Variants in PPFIA3 observed in about 807,000 individuals in gnomAD.
The protein encoded by PPFIA3 is PPFI scaffold protein A3, also known as liprin-alpha-3.
PPFIA3 carries 26 observed loss-of-function variants against 145.8 expected under a neutral mutation model. The ratio of observed to expected loss-of-function variants is 0.18; its 90% CI spans 0.13 to 0.25. PPFIA3 has a LOEUF of 0.25. Ranked by LOEUF, PPFIA3 falls within the 10% of genes least tolerant of loss-of-function variation. The pLI, the probability that PPFIA3 is intolerant of heterozygous loss-of-function variation, is 1.00. For missense variants in PPFIA3, 1,008 were observed against 1,587.8 expected, an observed-to-expected ratio of 0.63 and a Z score of 6.21; for synonymous variants, 645 against 661.4, an observed-to-expected ratio of 0.98 and a Z score of 0.38.
Position 49,132,694 on chromosome 19 carries a change from C to T in PPFIA3, c.880-307C>T, listed in dbSNP as rs138098195. ...TCTATGCCAGAAATTAGTGAGAAAT[C>T]CAAGGCCTGGGTTTTGAGGAGAGGG... On this transcript the variant is annotated intron_variant, in intron 7 of 29. Transcript: ENST00000334186. Among the ~76,000 whole-genome samples, 746 of 152,230 alleles carry T rather than the reference C, an allele frequency of 4.9e-3. 5 individuals are homozygous for T. Among genetic ancestry groups the T allele is most frequent in the Middle Eastern group, 0.034 (10 of 294 alleles).
At chr19:49,126,855 C>T (rs1414182998) in intron 1 of PPFIA3, among the ~76,000 whole-genome samples, 1 of 151,990 alleles carries the variant, frequency 6.6e-6, no homozygotes, top group Non-Finnish European at 1.5e-5. Context: ...ATTTTCTCCA[C>T]ATTCACTCAT....
chr19:49,149,655 C>G lies in PPFIA3; in HGVS notation c.3463C>G (p.Arg1155Gly), dbSNP rs1227993121. The stretch of plus-strand genomic sequence containing the variant: ...AGCTGAGATGTTGCCCCCCAACTTT[C>G]GTTCGGCTGCAGCGGGAGCCCTGGG... ...DSAEMLPPNF[R>G]SAAAGALGSP... Residue 1155 changes from arginine (R) to glycine (G), a missense_variant, in exon 28 of 30, where the codon CGT (arginine) becomes GGT (glycine). Around this residue, in one of 11 missense-constraint regions of PPFIA3, gnomAD observed 125 missense variants for 159.3 expected, o/e 0.78. Coordinates refer to ENST00000334186, the MANE Select transcript of PPFIA3 (RefSeq NM_003660.4). The surrounding 1 kb of genome is among the most constrained non-coding windows in gnomAD (Gnocchi z 5.7). 1.9e-6 allele frequency: 3 copies of G among 1,614,172 alleles called. No individual in the cohort carries two copies. The highest frequency in any genetic ancestry group is 2.5e-6 in the Non-Finnish European group (3 of 1,180,032).
At position 49,130,511 on chromosome 19, in the gene PPFIA3, G is replaced by A. The variant is rs779440761; in HGVS notation, c.791G>A (p.Ser264Asn). ...ERLAVLCRQM[S>N]QLEEELGTAH... ...CTGGCGGTGCTGTGCCGTCAGATGA[G>A]CCAGCTGGAGGAGGAGTTGGGCACC... is the stretch of plus-strand genomic sequence containing the variant. Residue 264 changes from serine (S) to asparagine (N), a missense_variant, in exon 7 of 30, where the codon AGC becomes AAC. This residue lies in a region of PPFIA3 where 136 missense variants were observed against 160.7 expected (regional missense o/e 0.85). Coordinates refer to ENST00000334186, the MANE Select transcript of PPFIA3 (RefSeq NM_003660.4). The surrounding 1 kb of genome is among the most constrained non-coding windows in gnomAD (Gnocchi z 4.5). The A allele has an allele frequency of 7.5e-6, 12 of 1,594,420 alleles. No individual in the cohort carries two copies. The South Asian group carries it at 9.1e-5, about 12-fold the overall frequency.
intron 23 of PPFIA3, 129 bp downstream of exon 23, chr19:49,146,321 AGCTTGGC>A (rs2041280237): frequency 2.4e-6 from 3 of 1,228,540 alleles, no homozygotes; most frequent in South Asian, 2.9e-5. Context: ...CGCTGCGCCA[AGCTTGGC>A]TCTGGACTGT....
At position 49,139,970 on chromosome 19, in the gene PPFIA3, C is replaced by T. The variant is rs769922167; in HGVS notation, c.2250C>T (p.Thr750=). The T allele has an allele frequency of 5.0e-6, 8 of 1,613,962 alleles. No individual in the cohort carries two copies. Among genetic ancestry groups the T allele is most frequent in the African/African-American group, 1.3e-5 (1 of 74,882 alleles). ...TCTCCTGCTTTCCCAGTGAGGGCAC[C>T]CCAGATTCTCTGCACAAAGCCCCCA... ...DGGPPRGSEG[T]PDSLHKAPKK... is the part of the protein sequence containing the mutation. The change falls in exon 18 of 30, where the codon ACC becomes ACT. Residue 750 remains threonine (T), a synonymous_variant. Transcript: ENST00000334186.
chr19:49,121,145 C>G (rs2040932307), intron 1 of PPFIA3, among the ~76,000 whole-genome samples: 1 of 152,158 alleles, frequency 6.6e-6, no homozygotes. Context: ...TGAGATGTTT[C>G]TAGCACTCCA....
At chr19:49,136,613 G>A (rs1228259516) in intron 14 of PPFIA3, 111 bp from the exon 15 acceptor site, 4 of 626,464 alleles carry the variant, frequency 6.4e-6, no homozygotes, top group Non-Finnish European at 9.5e-6. Flanking sequence ...AAATAAAGCT[G>A]GGCTGGGAAA....
At chr19:49,147,215 T>C (rs545225705) in intron 23 of PPFIA3, among the ~76,000 whole-genome samples, 1 of 152,068 alleles carries the variant, frequency 6.6e-6, no homozygotes, top group Non-Finnish European at 1.5e-5. Context: ...CTTGGGGGTT[T>C]AGTGACGTTG....
chr19:49,150,303 C>T lies in PPFIA3; in HGVS notation c.*81C>T, dbSNP rs2041332458. 1.3e-6 allele frequency: 1 copy of T among 757,858 alleles called. No homozygotes were observed. Among genetic ancestry groups the T allele is most frequent in the East Asian group, 2.8e-5 (1 of 35,330 alleles). The allele number at this position is 757,858 out of a possible 1,614,324, so 46.9% of individuals were successfully genotyped here. On this transcript the variant is annotated 3_prime_UTR_variant, in exon 30 of 30. Coordinates refer to ENST00000334186, the MANE Select transcript of PPFIA3 (RefSeq NM_003660.4). ...TTCCCTCTCCTGCCCGGACTGTGGC[C>T]TCGCCGGGGAGAGCGGGCGGGGGAG...
Position 49,150,459 on chromosome 19 carries a change from C to A in PPFIA3, c.*237C>A. ...GGAAGAAGCGGGGAGGAAGAAATCC[C>A]GCCCCAAACGTCCGCTTTCCTTTTC... On this transcript the variant is annotated 3_prime_UTR_variant, in exon 30 of 30. Coordinates refer to ENST00000334186, the MANE Select transcript of PPFIA3 (RefSeq NM_003660.4). 3.6e-6 allele frequency: 1 copy of A among 277,588 alleles called. No homozygotes were observed. 17.2% of individuals were successfully genotyped at this position (277,588 alleles called of 1,614,324 possible). A position where few individuals can be genotyped will look rare whatever the true frequency, so the allele number is the denominator to read the frequency against.
Position 49,150,377 on chromosome 19 carries a change from G to A in PPFIA3, c.*155G>A, listed in dbSNP as rs2041334002. Reference sequence around the variant, plus strand: ...TGTACAGACCAGCGGGAGTGCGCGCGCCCGCCTCGCACAGGGCCGGGGCCT... The same window carrying A: ...TGTACAGACCAGCGGGAGTGCGCGCACCCGCCTCGCACAGGGCCGGGGCCT... On this transcript the variant is annotated 3_prime_UTR_variant, in exon 30 of 30. Coordinates refer to ENST00000334186, the MANE Select transcript of PPFIA3 (RefSeq NM_003660.4). The A allele has an allele frequency of 4.3e-6, 2 of 463,866 alleles. No individual in the cohort carries two copies. Among genetic ancestry groups the A allele is most frequent in the Admixed American group, 7.5e-5 (2 of 26,498 alleles). 28.7% of individuals were successfully genotyped at this position (463,866 alleles called of 1,614,324 possible). A position where few individuals can be genotyped will look rare whatever the true frequency, so the allele number is the denominator to read the frequency against.
At chr19:49,145,587 C>A (rs1269904312) in intron 21 of PPFIA3, 3 of 297,776 alleles carry the variant, frequency 1.0e-5, no homozygotes, top group African/African-American at 2.2e-5. Flanking sequence ...AATGTGAACC[C>A]CCCCCGCCAT....
chr19:49,122,712 T>C (rs2040950503), intron 1 of PPFIA3, among the ~76,000 whole-genome samples: 1 of 124,444 alleles, frequency 8.0e-6, no homozygotes, highest in Non-Finnish European at 1.7e-5. Flanking sequence ...TGTTGTTTAG[T>C]TGTTTTTTTT....
At chr19:49,124,579 C>T (rs552218326) in intron 1 of PPFIA3, among the ~76,000 whole-genome samples, 2 of 152,192 alleles carry the variant, frequency 1.3e-5, no homozygotes, top group African/African-American at 2.4e-5. Flanking sequence ...GGCCTATGAG[C>T]GGTTCTTACC....
rs1421618442 is a variant in PPFIA3 at position 49,139,791 on chromosome 19, C to G, written c.2200C>G (p.Gln734Glu). Residue 734 changes from glutamine to glutamate, a missense_variant, in exon 17 of 30, where the codon CAG becomes GAG. By Grantham distance (29) the Gln-to-Glu change is conservative (BLOSUM62 2). This residue lies in a region of PPFIA3 where 202 missense variants were observed against 241.8 expected (regional missense o/e 0.84). Coordinates refer to ENST00000334186, the MANE Select transcript of PPFIA3 (RefSeq NM_003660.4). ...GAGAATGACCCAGGCCTTGGCACTG[C>G]AGGCGGGGTCCCTGGAAGATGGGGG... ...LERMTQALAL[Q>E]AGSLEDGGPP... The G allele has an allele frequency of 6.2e-7, 1 of 1,612,726 alleles. No homozygotes were observed. The highest frequency in any genetic ancestry group is 2.2e-5 in the East Asian group (1 of 44,848).
chr19:49,140,681 G>C (rs2041210646), intron 18 of PPFIA3, among the ~76,000 whole-genome samples: 1 of 111,920 alleles, frequency 8.9e-6, no homozygotes, highest in East Asian at 2.4e-4. Context: ...TGGAGACGGA[G>C]TCTTGCTCTG....
Position 49,138,218 on chromosome 19 carries a change from GAGA to G in PPFIA3, c.1870_1872del (p.Lys624del). On this transcript the variant is annotated inframe_deletion, in exon 16 of 30. Coordinates refer to ENST00000334186, the MANE Select transcript of PPFIA3 (RefSeq NM_003660.4). ...TTCCCTCCTCAGGCTGATCCAAGAG[GAGA>G]AGGAGACAACAGAACAGAGGGCAGA... 6.3e-7 allele frequency: 1 copy of G among 1,596,866 alleles called. No homozygotes were observed. Among genetic ancestry groups the G allele is most frequent in the Non-Finnish European group, 8.6e-7 (1 of 1,167,050 alleles).
chr19:49,148,778 A>AG lies in PPFIA3; in HGVS notation c.3109+18dup, dbSNP rs761543506. The AG allele has an allele frequency of 6.2e-7, 1 of 1,607,150 alleles. No individual in the cohort carries two copies. Among genetic ancestry groups the AG allele is most frequent in the Non-Finnish European group, 8.5e-7 (1 of 1,174,024 alleles). The stretch of plus-strand genomic sequence containing the variant: ...CCAGATCCGAGGTGAGTAGAGCCTA[A>AG]GGGTCCCTTTGGGAGCCAGGTGGAG... On this transcript the variant is annotated intron_variant, in intron 25 of 29. Coordinates refer to ENST00000334186, the MANE Select transcript of PPFIA3 (RefSeq NM_003660.4).
chr19:49,141,290 C>A (rs1285760282), intron 18 of PPFIA3, 130 bp from the exon 19 acceptor site: 2 of 640,010 alleles, frequency 3.1e-6, no homozygotes, highest in East Asian at 5.7e-5. Flanking sequence ...TTTATCACTT[C>A]CTCGATGTGC....
Sources: allele counts gnomAD v4.1 joint callset (sites outside exome capture counted in the v4.1 genomes callset), GRCh38; gene constraint gnomAD v4.1.1; regional missense constraint gnomAD v4.1.1; non-coding constraint Gnocchi (gnomAD v3.1); transcripts MANE v1.5; gene names NCBI Gene and HGNC (gene_info 2026-07-23, HGNC 2026-07-21).